Variants in CDKAL1 observed in about 807,000 individuals in gnomAD.
CDKAL1 encodes the protein threonylcarbamoyladenosine tRNA methylthiotransferase.
CDKAL1 carries 32 observed loss-of-function variants against 68.2 expected under a neutral mutation model. The ratio of observed to expected loss-of-function variants is 0.47; its 90% CI spans 0.35 to 0.63. The LOEUF is 0.63. Among genes scored for constraint, CDKAL1 ranks in the 30% least tolerant of loss-of-function variants. CDKAL1 has a pLI of 0.00. For synonymous variants in CDKAL1, 234 were observed against 244.3 expected (o/e 0.96, Z 0.39); for missense variants, 606 against 696.7 (o/e 0.87, Z 1.47).
chr6:20,988,995 C>G (rs1215080933), intron 10 of CDKAL1, among the ~76,000 whole-genome samples: 1 of 151,690 alleles, frequency 6.6e-6, no homozygotes, highest in Non-Finnish European at 1.5e-5. Flanking sequence ...CCTGAAGTAG[C>G]GCGTGTCATT....
intron 9 of CDKAL1, among the ~76,000 whole-genome samples, chr6:20,856,772 G>C (rs151189217): frequency 8.3e-4 from 127 of 152,312 alleles, no homozygotes; most frequent in African/African-American, 3.0e-3. Context: ...GGTTTTGGAA[G>C]GTTGTTTAAT....
At chr6:20,941,553 G>C (rs1052822033) in intron 9 of CDKAL1, among the ~76,000 whole-genome samples, 2 of 152,140 alleles carry the variant, frequency 1.3e-5, no homozygotes, top group African/African-American at 4.8e-5. Flanking sequence ...AAAATTGTCT[G>C]TGTTTGTTAT....
intron 9 of CDKAL1, among the ~76,000 whole-genome samples, chr6:20,880,436 T>C (rs977518848): frequency 6.6e-6 from 1 of 152,084 alleles, no homozygotes; most frequent in South Asian, 2.1e-4. Context: ...TTGTATTTTT[T>C]AGTAGGGACA....
At chr6:20,622,355 A>G (rs535322939) in intron 4 of CDKAL1, among the ~76,000 whole-genome samples, 85 of 152,228 alleles carry the variant, frequency 5.6e-4, no homozygotes, top group African/African-American at 1.9e-3. Context: ...TATGTTTGAA[A>G]ATTGTATTAA....
intron 5 of CDKAL1, among the ~76,000 whole-genome samples, chr6:20,718,458 G>A (rs1348060677): frequency 6.6e-6 from 1 of 152,090 alleles, no homozygotes; most frequent in Non-Finnish European, 1.5e-5. Context: ...TATTTCTTCT[G>A]TTAGGGGCTT....
chr6:21,145,896 C>T (rs1047977888), intron 13 of CDKAL1, among the ~76,000 whole-genome samples: 1 of 152,112 alleles, frequency 6.6e-6, no homozygotes, highest in African/African-American at 2.4e-5. Context: ...GAGACCCTGC[C>T]TCAAAAATAA....
At chr6:20,850,050 C>T (rs1581696815) in intron 9 of CDKAL1, among the ~76,000 whole-genome samples, 1 of 152,228 alleles carries the variant, frequency 6.6e-6, no homozygotes, top group South Asian at 2.1e-4. Flanking sequence ...ATGACTTTTG[C>T]ACATTTAGTT....
intron 9 of CDKAL1, among the ~76,000 whole-genome samples, chr6:20,873,151 G>T (rs1581738535): frequency 6.6e-6 from 1 of 152,178 alleles, no homozygotes; most frequent in East Asian, 1.9e-4. Flanking sequence ...AGCTGAAGAG[G>T]GGACATGAGG....
chr6:20,583,793 C>A (rs531286515), intron 4 of CDKAL1, among the ~76,000 whole-genome samples: 1 of 150,526 alleles, frequency 6.6e-6, no homozygotes, highest in Non-Finnish European at 1.5e-5. Context: ...CGCCCCCCCC[C>A]ACTAGTTTCA....
intron 9 of CDKAL1, among the ~76,000 whole-genome samples, chr6:20,860,864 A>G (rs1050033872): frequency 5.3e-5 from 8 of 152,134 alleles, no homozygotes; most frequent in African/African-American, 1.9e-4. Context: ...ATGAATAAAA[A>G]TAATTTATAA....
At chr6:20,609,394 TCTTC>T (rs1561963309) in intron 4 of CDKAL1, among the ~76,000 whole-genome samples, 3 of 110,468 alleles carry the variant, frequency 2.7e-5, no homozygotes, top group Admixed American at 1.0e-4. Flanking sequence ...TTCTTCTTCT[TCTTC>T]TTCTTTTTTT....
intron 9 of CDKAL1, among the ~76,000 whole-genome samples, chr6:20,849,575 T>G (rs1581696099): frequency 1.4e-5 from 1 of 73,138 alleles, no homozygotes; most frequent in Admixed American, 1.9e-4. Flanking sequence ...AGAGCAAGAC[T>G]CCGTCTCAAA....
intron 12 of CDKAL1, among the ~76,000 whole-genome samples, chr6:21,090,616 A>T (rs1223672458): frequency 6.6e-6 from 1 of 152,192 alleles, no homozygotes; most frequent in Non-Finnish European, 1.5e-5. Context: ...ATATGAAAGT[A>T]TACATAAAAC....
intron 5 of CDKAL1, among the ~76,000 whole-genome samples, chr6:20,732,274 T>C (rs1360970736): frequency 7.9e-6 from 1 of 126,994 alleles, no homozygotes; most frequent in African/African-American, 2.8e-5. Context: ...TTTTTTTTTT[T>C]TTTTTTTTTT....
At chr6:21,001,645 A>T (rs909001085) in intron 11 of CDKAL1, among the ~76,000 whole-genome samples, 2 of 152,246 alleles carry the variant, frequency 1.3e-5, no homozygotes, top group African/African-American at 4.8e-5. Flanking sequence ...TCTTGAACAG[A>T]ACTGTGTTAG....
chr6:20,745,400 T>C (rs1773622984), intron 6 of CDKAL1, among the ~76,000 whole-genome samples: 2 of 152,182 alleles, frequency 1.3e-5, no homozygotes, highest in Non-Finnish European at 2.9e-5. Context: ...AGGAACGCTC[T>C]CCTTCTCCTG....
chr6:20,979,649 G>A lies in CDKAL1; in HGVS notation c.910-20578G>A, dbSNP rs372176360. Among the ~76,000 whole-genome samples, 9 of 152,214 alleles carry A rather than the reference G, an allele frequency of 5.9e-5. No individual in the cohort carries two copies. In the South Asian group the frequency reaches 1.2e-3, roughly 21 times the overall value. On this transcript the variant is annotated intron_variant, in intron 10 of 15. Transcript: ENST00000274695. ...ATGGAAAGAGTCTAAGTCTGGGAGC[G>A]GAGTGCGGCCGACGAAGTCCAGACT...
intron 12 of CDKAL1, among the ~76,000 whole-genome samples, chr6:21,071,421 A>G (rs962107229): frequency 3.3e-5 from 5 of 152,150 alleles, no homozygotes; most frequent in African/African-American, 1.2e-4. Context: ...CTCCCCAGCC[A>G]TGCGGAACTG....
chr6:20,934,748 GA>G, intron 9 of CDKAL1, among the ~76,000 whole-genome samples: 1 of 152,206 alleles, frequency 6.6e-6, no homozygotes, highest in East Asian at 1.9e-4. Context: ...TCGGGAGGCT[GA>G]GGCAGGAGGA....
Sources: gnomAD v4.1 joint callset for allele counts (sites outside exome capture counted in the v4.1 genomes callset) on GRCh38, gnomAD v4.1.1 for gene constraint, MANE v1.5 for transcripts, NCBI Gene and HGNC (gene_info 2026-07-23, HGNC 2026-07-21) for gene names.